ERC2: variants seen among roughly 807,000 people sequenced by gnomAD.
ERC2 encodes the protein ELKS/RAB6-interacting/CAST family member 2.
In ERC2, 42 loss-of-function variants were observed where a neutral mutation model predicts 114.8. That is an observed-to-expected ratio of 0.37 (90% CI 0.29 to 0.47). The LOEUF (loss-of-function observed/expected upper bound fraction) is 0.47, where lower values mean the gene tolerates loss of function less well. Among genes scored for constraint, ERC2 ranks in the 20% least tolerant of loss-of-function variants. The pLI is 0.99. For missense variants in ERC2, 939 were observed against 1,150.7 expected, an observed-to-expected ratio of 0.82 and a Z score of 2.66; for synonymous variants, 454 against 425.5, an observed-to-expected ratio of 1.07 and a Z score of -0.82.
chr3:55,527,141 T>A (rs1324385628), intron 17 of ERC2, among the ~76,000 whole-genome samples: 1 of 152,210 alleles, frequency 6.6e-6, no homozygotes, highest in East Asian at 1.9e-4. Context: ...GGCTCTTTAA[T>A]CCAACTGAAT....
chr3:55,921,390 ACTC>A (rs2065420330), intron 13 of ERC2, among the ~76,000 whole-genome samples: 1 of 151,960 alleles, frequency 6.6e-6, no homozygotes, highest in South Asian at 2.1e-4. Flanking sequence ...TTCTCACTGA[ACTC>A]CTCATTCATT....
chr3:55,614,202 C>G (rs1470431429), intron 17 of ERC2, among the ~76,000 whole-genome samples: 1 of 152,008 alleles, frequency 6.6e-6, no homozygotes, highest in African/African-American at 2.4e-5. Context: ...AAGCACTGCA[C>G]AAGATTTTGT....
intron 3 of ERC2, among the ~76,000 whole-genome samples, chr3:56,264,133 G>C (rs887553747): frequency 1.3e-5 from 2 of 152,064 alleles, no homozygotes; most frequent in African/African-American, 4.8e-5. Flanking sequence ...CAAGAAATTA[G>C]GTTAAACAAA....
chr3:56,400,277 C>T (rs920682756), intron 2 of ERC2, among the ~76,000 whole-genome samples: 7 of 151,928 alleles, frequency 4.6e-5, no homozygotes, highest in African/African-American at 1.7e-4. Flanking sequence ...GTAGAAGTGA[C>T]CACAGGTTGA....
intron 14 of ERC2, among the ~76,000 whole-genome samples, chr3:55,835,120 C>CA (rs1046772271): frequency 1.8e-4 from 27 of 151,682 alleles, no homozygotes; most frequent in Admixed American, 4.6e-4. Flanking sequence ...AGCTTACCAA[C>CA]AAAAAAAAGA....
chr3:55,870,011 C>G (rs1357791816), intron 14 of ERC2, among the ~76,000 whole-genome samples: 1 of 151,752 alleles, frequency 6.6e-6, no homozygotes. Flanking sequence ...CCTCAAAAAG[C>G]AAATGTAAAA....
intron 17 of ERC2, among the ~76,000 whole-genome samples, chr3:55,605,773 T>G (rs1301939443): frequency 6.6e-6 from 1 of 152,198 alleles, no homozygotes; most frequent in Non-Finnish European, 1.5e-5. Flanking sequence ...TACAATTTCC[T>G]TAGAACTCAG....
At chr3:56,013,818 A>G (rs976367333) in intron 8 of ERC2, among the ~76,000 whole-genome samples, 5 of 152,206 alleles carry the variant, frequency 3.3e-5, no homozygotes, top group African/African-American at 1.2e-4. Flanking sequence ...TCCACAGCAG[A>G]GCAGCTGAAT....
At chr3:55,875,724 A>ACACACACACACACACACACTCTCT (rs1491351730) in intron 14 of ERC2, among the ~76,000 whole-genome samples, 20 of 141,024 alleles carry the variant, frequency 1.4e-4, no homozygotes, top group African/African-American at 5.0e-4. Context: ...ACACACACAC[A>ACACACACACACACACACACTCTCT]CTCTCTCTCT....
intron 2 of ERC2, among the ~76,000 whole-genome samples, chr3:56,336,126 G>A (rs1454552294): frequency 6.6e-6 from 1 of 152,144 alleles, no homozygotes; most frequent in Non-Finnish European, 1.5e-5. Flanking sequence ...TGTACTTAGG[G>A]AAGTCTAGGA....
intron 14 of ERC2, among the ~76,000 whole-genome samples, chr3:55,874,832 G>C (rs981559762): frequency 3.3e-5 from 5 of 152,160 alleles, no homozygotes; most frequent in African/African-American, 9.7e-5. Context: ...AGGGAGAAAT[G>C]AATCAATCCC....
chr3:56,175,939 C>G, intron 3 of ERC2, among the ~76,000 whole-genome samples: 1 of 152,082 alleles, frequency 6.6e-6, no homozygotes, highest in East Asian at 1.9e-4. Context: ...TTTTTTCCAG[C>G]TTTCATAGGT....
At chr3:55,834,587 A>G (rs1448143841) in intron 14 of ERC2, among the ~76,000 whole-genome samples, 1 of 151,694 alleles carries the variant, frequency 6.6e-6, no homozygotes, top group East Asian at 1.9e-4. Context: ...AACATACAAG[A>G]ATCTCTGGGA....
rs112147757 is a variant in ERC2, at chr3:55,519,420, T to G, written c.*40-8144A>C. ...TGGAATACCTCATCCCAGGGCCCATTGATGCTGGCTAAAAATCATTGTTAA... is the reference window on the plus strand; with the variant it reads ...TGGAATACCTCATCCCAGGGCCCATGGATGCTGGCTAAAAATCATTGTTAA... On this transcript the variant is annotated intron_variant, in intron 17 of 17. Coordinates refer to ENST00000288221, the MANE Select transcript of ERC2 (RefSeq NM_015576.3). Among the ~76,000 whole-genome samples, 49 of 152,314 alleles carry G rather than the reference T, an allele frequency of 3.2e-4. 1 individual carries two copies. Among genetic ancestry groups the G allele is most frequent in the African/African-American group, 1.2e-3 (49 of 41,570 alleles).
chr3:56,058,282 T>C (rs2076098126), intron 7 of ERC2, among the ~76,000 whole-genome samples: 1 of 152,190 alleles, frequency 6.6e-6, no homozygotes, highest in Non-Finnish European at 1.5e-5. Context: ...TTACGACCCT[T>C]GGACTTAATC....
chr3:55,917,490 A>G (rs549492061), intron 13 of ERC2, among the ~76,000 whole-genome samples: 1 of 152,194 alleles, frequency 6.6e-6, no homozygotes, highest in Non-Finnish European at 1.5e-5. Context: ...AGCCAGATAC[A>G]AAAGGCCATA....
chr3:55,982,329 A>T (rs2070215083), intron 12 of ERC2, among the ~76,000 whole-genome samples: 1 of 152,178 alleles, frequency 6.6e-6, no homozygotes, highest in African/African-American at 2.4e-5. Context: ...TTAGGGGGTA[A>T]AAAAACCAAT....
chr3:55,867,509 C>T (rs1370737287), intron 14 of ERC2, among the ~76,000 whole-genome samples: 1 of 152,078 alleles, frequency 6.6e-6, no homozygotes, highest in Non-Finnish European at 1.5e-5. Context: ...ATTTATTTTA[C>T]AATGACTAGA....
intron 6 of ERC2, among the ~76,000 whole-genome samples, chr3:56,087,102 T>G (rs147896121): frequency 1.2e-3 from 181 of 152,120 alleles, no homozygotes; most frequent in African/African-American, 4.1e-3. Flanking sequence ...CTTAACCACA[T>G]GGGAACTAGT....
Sources: allele counts gnomAD v4.1 joint callset (sites outside exome capture counted in the v4.1 genomes callset), GRCh38; gene constraint gnomAD v4.1.1; transcripts MANE v1.5; gene names NCBI Gene and HGNC (gene_info 2026-07-23, HGNC 2026-07-21).